Variants in CASKIN1 observed in about 807,000 individuals in gnomAD.
CASKIN1 encodes the protein CASK interacting protein 1.
In CASKIN1, 42 loss-of-function variants were observed where a neutral mutation model predicts 117.5. The ratio of observed to expected loss-of-function variants is 0.36; its 90% confidence interval spans 0.28 to 0.46. The LOEUF (loss-of-function observed/expected upper bound fraction) is 0.46. Among genes scored for constraint, CASKIN1 ranks in the 20% least tolerant of loss-of-function variants. CASKIN1 has a pLI of 1.00. For synonymous variants in CASKIN1, 1,148 were observed against 961.7 expected (o/e 1.19, Z -3.59); for missense variants, 2,083 against 2,077.3 (o/e 1.00, Z -0.05).
In CASKIN1 at chr16:2,196,129, C is replaced by T. The variant is rs1348813098; in HGVS notation, c.94+210G>A. 6.6e-6 allele frequency among the ~76,000 whole-genome samples: 1 copy of T among 152,002 alleles called. No homozygotes were observed. The highest frequency in any genetic ancestry group is 2.4e-5 in the African/African-American group (1 of 41,422). On this transcript the variant is annotated intron_variant, in intron 1 of 19. Coordinates refer to ENST00000343516, the MANE Select transcript of CASKIN1 (RefSeq NM_020764.4). This position sits in a 1 kb window ranked among gnomAD's most constrained non-coding sequence, Gnocchi z 5.7. ...GCCGCCAGGTGCCCGCTGCGGGGCTCACGGTGGCGGCCGGCTCTCGGGGCC... is the reference window on the plus strand; with the variant it reads ...GCCGCCAGGTGCCCGCTGCGGGGCTTACGGTGGCGGCCGGCTCTCGGGGCC...
Position 2,177,264 on chromosome 16 carries a change from G to A in CASKIN1, c.*1286C>T, listed in dbSNP as rs762936907. 1.1e-4 allele frequency: 27 copies of A among 239,614 alleles called. No homozygotes were observed. The highest frequency in any genetic ancestry group is 2.1e-4 in the Non-Finnish European group (25 of 121,218). The allele number at this position is 239,614 out of a possible 1,614,324, so 14.8% of individuals were successfully genotyped here. The stretch of plus-strand genomic sequence containing the variant: ...CACCTGCTGGAGCCCAGCCTGTGCC[G>A]CCCTCTGAGGAGAGGCCTGGGGGGA... On this transcript the variant is annotated 3_prime_UTR_variant, in exon 20 of 20. Coordinates refer to ENST00000343516, the MANE Select transcript of CASKIN1 (RefSeq NM_020764.4).
chr16:2,193,629 G>A (rs1383751262), intron 1 of CASKIN1, among the ~76,000 whole-genome samples: 5 of 152,242 alleles, frequency 3.3e-5, no homozygotes, highest in Non-Finnish European at 7.3e-5. Flanking sequence ...ACCTTCAGGG[G>A]CTGAAATCTC....
Position 2,178,954 on chromosome 16 carries a change from C to T in CASKIN1, c.4147G>A (p.Ala1383Thr). The T allele has an allele frequency of 6.7e-7, 1 of 1,487,984 alleles. No individual in the cohort carries two copies. The highest frequency in any genetic ancestry group is 2.3e-5 in the Admixed American group (1 of 44,098). 92.2% of individuals were successfully genotyped at this position (1,487,984 alleles called of 1,614,324 possible). A position where few individuals can be genotyped will look rare whatever the true frequency, so the allele number is the denominator to read the frequency against. Residue 1383 changes from alanine (A) to threonine (T), a missense_variant, in exon 19 of 20, where the codon GCG becomes ACG. Ala to Thr is a moderately conservative substitution (Grantham distance 58). This residue lies in a region of CASKIN1 where 1,818 missense variants were observed against 1,688.9 expected (regional missense o/e 1.08). Coordinates refer to ENST00000343516, the MANE Select transcript of CASKIN1 (RefSeq NM_020764.4). ...ATCTTCTCCTCCACCGCCTGCAGCG[C>T]CGCGGCCAGGCACGCGCTTGTCTCC... is the stretch of plus-strand genomic sequence containing the variant. ...LEETSACLAAALQAVEEKIRQ... is the reference protein window; with the variant it reads ...LEETSACLAATLQAVEEKIRQ...
intron 7 of CASKIN1, 30 bp from the exon 8 acceptor site, chr16:2,187,304 G>A (rs1173935160): frequency 1.9e-6 from 3 of 1,613,308 alleles, no homozygotes; most frequent in African/African-American, 1.3e-5. Context: ...GGCTCTGTCA[G>A]GAGCCCCTAC....
At position 2,186,763 on chromosome 16, in the gene CASKIN1, T is replaced by C. The variant is rs1596690777; in HGVS notation, c.992A>G (p.Asn331Ser). 8.7e-6 allele frequency: 14 copies of C among 1,612,904 alleles called. No homozygotes were observed. The highest frequency in any genetic ancestry group is 2.7e-5 in the African/African-American group (2 of 74,940). Residue 331 changes from asparagine (N) to serine (S), a missense_variant, in exon 10 of 20, where the codon AAT becomes AGT. Asn to Ser is a conservative substitution (Grantham distance 46, BLOSUM62 1). Transcript: ENST00000343516. Reference sequence around the variant, plus strand: ...GGACGGGAAGTAGCCCACCCGGTCATTGCCCGTCCGGTTGTCATGGATGCA... The same window carrying C: ...GGACGGGAAGTAGCCCACCCGGTCACTGCCCGTCCGGTTGTCATGGATGCA... Reference protein sequence around the residue: ...KGCIHDNRTGNDRVGYFPSSL... With the variant: ...KGCIHDNRTGSDRVGYFPSSL...
At chr16:2,183,082 C>T (rs779868556) in intron 16 of CASKIN1, among the ~76,000 whole-genome samples, 15 of 152,350 alleles carry the variant, frequency 9.8e-5, no homozygotes, top group Middle Eastern at 6.8e-3. Flanking sequence ...CCACCGCGCC[C>T]GGCCGCACCT....
intron 14 of CASKIN1, 32 bp downstream of exon 14, chr16:2,184,745 G>C (rs763949580): frequency 4.1e-6 from 6 of 1,462,802 alleles, no homozygotes; most frequent in African/African-American, 1.4e-5. Context: ...TCTCCCCGGA[G>C]CCCACGCTGA....
At position 2,179,407 on chromosome 16, in the gene CASKIN1, C is replaced by T; in HGVS notation, c.3776-82G>A. The T allele has an allele frequency of 7.6e-7, 1 of 1,319,040 alleles. No homozygotes were observed. Among genetic ancestry groups the T allele is most frequent in the Non-Finnish European group, 9.6e-7 (1 of 1,040,594 alleles). 81.7% of individuals were successfully genotyped at this position (1,319,040 alleles called of 1,614,324 possible). On this transcript the variant is annotated intron_variant, in intron 18 of 19. Transcript: ENST00000343516. This position sits in a 1 kb window ranked among gnomAD's most constrained non-coding sequence, Gnocchi z 5.8. ...TGCCCCAGCCTCCCGCGGCTTCCTC[C>T]CCAGCGGACCGGGAAAGACCCTGCT...
chr16:2,181,695 TGGGGCTGGGGC>T (rs1296994433), intron 17 of CASKIN1, 85 bp downstream of exon 17: 32 of 219,824 alleles, frequency 1.5e-4, no homozygotes, highest in African/African-American at 2.4e-4. Flanking sequence ...GGGCCCAGCT[TGGGGCTGGGGC>T]GGGGCTGGGG....
At chr16:2,187,678 A>G (rs1469248971) in intron 6 of CASKIN1, among the ~76,000 whole-genome samples, 1 of 151,048 alleles carries the variant, frequency 6.6e-6, no homozygotes, top group Non-Finnish European at 1.5e-5. Flanking sequence ...CTGGAGTGCA[A>G]TGGTGCGATC....
intron 1 of CASKIN1, among the ~76,000 whole-genome samples, chr16:2,192,213 C>G (rs555098613): frequency 2.0e-5 from 3 of 151,924 alleles, no homozygotes; most frequent in Middle Eastern, 3.4e-3. Context: ...GCGGGAGGAT[C>G]GCTTGAGCCC....
In CASKIN1 at chr16:2,180,109, G is replaced by C; in HGVS notation, c.3259C>G (p.Pro1087Ala). 8 of 1,556,216 alleles carry C rather than the reference G, an allele frequency of 5.1e-6. No homozygotes were observed. Among genetic ancestry groups the C allele is most frequent in the Non-Finnish European group, 6.9e-6 (8 of 1,151,726 alleles). The change falls in exon 18 of 20, where the codon CCA becomes GCA. Residue 1087 changes from proline (P) to alanine (A), a missense_variant. Transcript: ENST00000343516. ...GTGCCATCCTCCACAAAGGGGCCTGGGTCTGCCGACTCCCCAGGCCCCCGG... is the reference window on the plus strand; with the variant it reads ...GTGCCATCCTCCACAAAGGGGCCTGCGTCTGCCGACTCCCCAGGCCCCCGG... ...ARRGPGESAD[P>A]GPFVEDGTGR...
chr16:2,180,109 G>A lies in CASKIN1; in HGVS notation c.3259C>T (p.Pro1087Ser). ...GTGCCATCCTCCACAAAGGGGCCTG[G>A]GTCTGCCGACTCCCCAGGCCCCCGG... ...ARRGPGESADPGPFVEDGTGR... is the reference protein window; with the variant it reads ...ARRGPGESADSGPFVEDGTGR... Residue 1087 changes from proline (P) to serine (S), a missense_variant, in exon 18 of 20, where the codon CCA (proline) becomes TCA (serine). By Grantham distance (74) the Pro-to-Ser change is moderately conservative. This residue lies in a region of CASKIN1 where 1,818 missense variants were observed against 1,688.9 expected (regional missense o/e 1.08). Transcript: ENST00000343516. 6.4e-7 allele frequency: 1 copy of A among 1,556,216 alleles called. No homozygotes were observed. The highest frequency in any genetic ancestry group is 1.4e-5 in the African/African-American group (1 of 73,194).
Position 2,179,928 on chromosome 16 carries a change from G to C in CASKIN1, c.3440C>G (p.Thr1147Arg), listed in dbSNP as rs1369076680. The change falls in exon 18 of 20, where the codon ACG becomes AGG. Residue 1147 changes from threonine to arginine, a missense_variant. Around this residue, in one of 3 missense-constraint regions of CASKIN1, gnomAD observed 1,818 missense variants for 1,688.9 expected, o/e 1.08. Coordinates refer to ENST00000343516, the MANE Select transcript of CASKIN1 (RefSeq NM_020764.4). The surrounding 1 kb of genome is among the most constrained non-coding windows in gnomAD (Gnocchi z 5.8). ...NVKFILTESD[T>R]VKRRPKAKER... ...CTTGGCCTTGGGCCTGCGCTTGACC[G>C]TGTCAGACTCGGTCAGGATGAACTT... 6.2e-7 allele frequency: 1 copy of C among 1,605,888 alleles called. No homozygotes were observed. The highest frequency in any genetic ancestry group is 1.3e-5 in the African/African-American group (1 of 74,806).
intron 3 of CASKIN1, 93 bp downstream of exon 3, chr16:2,189,980 C>G: frequency 8.3e-7 from 1 of 1,206,048 alleles, no homozygotes; most frequent in Non-Finnish European, 1.2e-6. Flanking sequence ...AGACCCTGGG[C>G]TGAGACCTCA....
rs759142782 is a variant in CASKIN1 at position 2,180,215 on chromosome 16, C to T, written c.3153G>A (p.Glu1051=). Reference sequence around the variant, plus strand: ...CCACCTCCCCGCCAGGCCCGATGGCCTCTTTGTGTTTCACTGAGGCCAGCA... The same window carrying T: ...CCACCTCCCCGCCAGGCCCGATGGCTTCTTTGTGTTTCACTGAGGCCAGCA... ...ATVLASVKHK[E]AIGPGGEVVN... is the part of the protein sequence containing the mutation. The change falls in exon 18 of 20, where the codon GAG becomes GAA. Residue 1051 remains glutamate, a synonymous_variant. Transcript: ENST00000343516. 15 of 1,550,742 alleles carry T rather than the reference C, an allele frequency of 9.7e-6. No individual in the cohort carries two copies. Among genetic ancestry groups the T allele is most frequent in the African/African-American group, 4.1e-5 (3 of 73,092 alleles).
chr16:2,189,023 C>G lies in CASKIN1; in HGVS notation c.617+4G>C, dbSNP rs763501044. ...GCTGAGGCCCTCCCTGCTACCGGCT[C>G]TACCTGATGATGTCGATGTGGCCGT... On this transcript the variant is annotated splice_donor_region_variant and intron_variant, in intron 6 of 19. Coordinates refer to ENST00000343516, the MANE Select transcript of CASKIN1 (RefSeq NM_020764.4). 13 of 1,610,852 alleles carry G rather than the reference C, an allele frequency of 8.1e-6. No individual in the cohort carries two copies. In the Admixed American group the frequency reaches 1.0e-4, roughly 12 times the overall value.
In CASKIN1 at chr16:2,180,583, T is replaced by G; in HGVS notation, c.2785A>C (p.Asn929His). 1 of 1,571,226 alleles carries G rather than the reference T, an allele frequency of 6.4e-7. No homozygotes were observed. Among genetic ancestry groups the G allele is most frequent in the Non-Finnish European group, 8.6e-7 (1 of 1,165,592 alleles). ...GCAAAGGACTGGCTGCGGTTGACGT[T>G]CTTGTCGGCACCTGCGGGCGCCCTC... is the stretch of plus-strand genomic sequence containing the variant. ...SVRAPAGADKNVNRSQSFAVR... is the reference protein window; with the variant it reads ...SVRAPAGADKHVNRSQSFAVR... The change falls in exon 18 of 20, where the codon AAC (asparagine) becomes CAC (histidine). Residue 929 changes from asparagine to histidine, a missense_variant. Physicochemically the swap from Asn to His is moderately conservative, Grantham distance 68. Around this residue, in one of 3 missense-constraint regions of CASKIN1, gnomAD observed 1,818 missense variants for 1,688.9 expected, o/e 1.08. Transcript: ENST00000343516.
rs751584762 is a variant in CASKIN1, at chr16:2,185,114, G to A, written c.1236C>T (p.Val412=). 5 of 1,609,256 alleles carry A rather than the reference G, an allele frequency of 3.1e-6. No individual in the cohort carries two copies. The highest frequency in any genetic ancestry group is 2.2e-5 in the East Asian group (1 of 44,866). The change falls in exon 12 of 20, where the codon GTC becomes GTT. Residue 412 remains valine (V), a synonymous_variant. Coordinates refer to ENST00000343516, the MANE Select transcript of CASKIN1 (RefSeq NM_020764.4). ...CCCTGGCCACTACCCCACCTACCTT[G>A]ACGCCTTCAGAGCCCGCGTGTAGGG... ...GHALHAGSEG[V]KLLATVLSQK... is the part of the protein sequence containing the mutation.
Sources: allele counts gnomAD v4.1 joint callset (sites outside exome capture counted in the v4.1 genomes callset), GRCh38; gene constraint gnomAD v4.1.1; regional missense constraint gnomAD v4.1.1; non-coding constraint Gnocchi (gnomAD v3.1); transcripts MANE v1.5; gene names NCBI Gene and HGNC (gene_info 2026-07-23, HGNC 2026-07-21).